Variants in PCDHA12 observed in about 807,000 individuals in gnomAD.
The protein encoded by PCDHA12 is protocadherin alpha 12, also known as protocadherin alpha-12.
PCDHA12 carries 44 observed loss-of-function variants against 60.0 expected under a neutral mutation model. The observed-to-expected ratio is 0.73, with a 90% CI of 0.58 to 0.94. The LOEUF is 0.94. Ranked by LOEUF, PCDHA12 falls within the 40% of genes least tolerant of loss-of-function variation. The pLI, the probability that PCDHA12 is intolerant of heterozygous loss-of-function variation, is 0.00. For synonymous variants in PCDHA12, 569 were observed against 553.0 expected, an observed-to-expected ratio of 1.03 and a Z score of -0.40; for missense variants, 1,276 against 1,239.7, an observed-to-expected ratio of 1.03 and a Z score of -0.44.
chr5:140,932,351 A>C (rs1401387848), intron 1 of PCDHA12, among the ~76,000 whole-genome samples: 1 of 151,920 alleles, frequency 6.6e-6, no homozygotes, highest in Non-Finnish European at 1.5e-5. Flanking sequence ...TTACCATACA[A>C]CTGGCCTTAT....
At chr5:141,006,584 G>C (rs1554260824) in intron 3 of PCDHA12, among the ~76,000 whole-genome samples, 2 of 152,126 alleles carry the variant, frequency 1.3e-5, no homozygotes, top group Admixed American at 6.6e-5. Flanking sequence ...GAGGGTTGGA[G>C]AGAAGCAAAA....
At chr5:140,956,038 A>T in intron 1 of PCDHA12, among the ~76,000 whole-genome samples, 1 of 152,182 alleles carries the variant, frequency 6.6e-6, no homozygotes, top group South Asian at 2.1e-4. Flanking sequence ...CAGCTTAAGA[A>T]GCTTTTGGGC....
Position 140,877,559 on chromosome 5 carries a change from T to C in PCDHA12, c.2087T>C (p.Ile696Thr). 6.2e-7 allele frequency: 1 copy of C among 1,613,754 alleles called. No homozygotes were observed. The highest frequency in any genetic ancestry group is 1.1e-5 in the South Asian group (1 of 91,088). Residue 696 changes from isoleucine to threonine, a missense_variant, in exon 1 of 4, where the codon ATT (isoleucine) becomes ACT (threonine). Ile to Thr is a moderately conservative substitution (Grantham distance 89). Coordinates refer to ENST00000398631, the MANE Select transcript of PCDHA12 (RefSeq NM_018903.4). ...GATCCCGAAGCGGCTCTGGTGGATATTAACGTGTACCTCATCATCGCCATC... is the reference window on the plus strand; with the variant it reads ...GATCCCGAAGCGGCTCTGGTGGATACTAACGTGTACCTCATCATCGCCATC... Reference protein sequence around the residue: ...AVDPEAALVDINVYLIIAICA... With the variant: ...AVDPEAALVDTNVYLIIAICA...
At chr5:140,884,137 C>T (rs782067447) in intron 1 of PCDHA12, 4 of 1,613,402 alleles carry the variant, frequency 2.5e-6, no homozygotes, top group Middle Eastern at 1.7e-4. Context: ...TCCCGTTCCG[C>T]GTGGGGCTGT....
intron 3 of PCDHA12, among the ~76,000 whole-genome samples, chr5:140,995,339 G>A (rs782776966): frequency 1.3e-4 from 20 of 152,026 alleles, no homozygotes; most frequent in Non-Finnish European, 7.4e-5. Context: ...TAGTGTAGAC[G>A]GCATGGATAG....
At chr5:140,883,634 G>C (rs782548505) in intron 1 of PCDHA12, 18 of 1,613,174 alleles carry the variant, frequency 1.1e-5, no homozygotes, top group African/African-American at 5.4e-5. Flanking sequence ...GCCGGCGTTC[G>C]CGCAGCCCGA....
rs374546473 is a variant in PCDHA12 at position 140,877,002 on chromosome 5, G to A, written c.1530G>A (p.Val510=). Residue 510 remains valine (V), a synonymous_variant, in exon 1 of 4, where the codon GTG becomes GTA. Transcript: ENST00000398631. ...ACGCACTGTCGAGCTACGTGTCGGT[G>A]CACGCGGAGAGCGGCAAGGTGTACG... The part of the protein sequence containing the change: ...GEHALSSYVS[V]HAESGKVYAL... 6.0e-5 allele frequency: 96 copies of A among 1,612,426 alleles called. No homozygotes were observed. The highest frequency in any genetic ancestry group is 8.0e-5 in the Non-Finnish European group (94 of 1,179,804).
chr5:140,969,198 C>T lies in PCDHA12; in HGVS notation c.2368-9751C>T, dbSNP rs2096305688. ...AGTGACACTTTCATGTTTTACAATA[C>T]AGGGGCCCAGACAGGACCAGGGCCT... On this transcript the variant is annotated intron_variant, in intron 1 of 3. Coordinates refer to ENST00000398631, the MANE Select transcript of PCDHA12 (RefSeq NM_018903.4). 1 of 1,614,166 alleles carries T rather than the reference C, an allele frequency of 6.2e-7. No individual in the cohort carries two copies. Among genetic ancestry groups the T allele is most frequent in the Non-Finnish European group, 8.5e-7 (1 of 1,180,032 alleles).
At chr5:140,917,336 G>T (rs1183036523) in intron 1 of PCDHA12, among the ~76,000 whole-genome samples, 1 of 144,856 alleles carries the variant, frequency 6.9e-6, no homozygotes, top group Non-Finnish European at 1.5e-5. Context: ...GGGGAGGGGG[G>T]GGATGGTGTA....
chr5:140,966,813 T>C (rs2096057002), intron 1 of PCDHA12: 2 of 1,551,874 alleles, frequency 1.3e-6, no homozygotes, highest in Non-Finnish European at 8.7e-7. Context: ...CATCCACGGC[T>C]CCGGCGGCCC....
intron 1 of PCDHA12, among the ~76,000 whole-genome samples, chr5:140,949,796 C>G (rs1471707326): frequency 6.6e-6 from 1 of 151,864 alleles, no homozygotes; most frequent in Non-Finnish European, 1.5e-5. Context: ...TTGTGTCCTT[C>G]AATACATTAT....
chr5:140,928,770 C>A, intron 1 of PCDHA12: 4 of 1,614,106 alleles, frequency 2.5e-6, no homozygotes, highest in Non-Finnish European at 2.5e-6. Context: ...TAGTTCTTCC[C>A]ACTGATGCAG....
rs546510910 is a variant in PCDHA12, at chr5:140,894,996, C to G, written c.2367+17157C>G. ...GTCTTACTTTGTGACATCCTTTACC[C>G]TTTTTACTTGGACCTTTTTCCTTTG... is the stretch of plus-strand genomic sequence containing the variant. On this transcript the variant is annotated intron_variant, in intron 1 of 3. Transcript: ENST00000398631. Among the ~76,000 whole-genome samples, 5 of 152,204 alleles carry G rather than the reference C, an allele frequency of 3.3e-5. No homozygotes were observed. The East Asian group carries it at 9.6e-4, about 29-fold the overall frequency.
chr5:140,990,605 A>T (rs1234326404), intron 3 of PCDHA12, among the ~76,000 whole-genome samples: 4 of 152,214 alleles, frequency 2.6e-5, no homozygotes, highest in Non-Finnish European at 4.4e-5. Flanking sequence ...GAGTCAGATG[A>T]ATACCGTAAA....
At chr5:140,896,811 T>G (rs2065758053) in intron 1 of PCDHA12, among the ~76,000 whole-genome samples, 1 of 152,266 alleles carries the variant, frequency 6.6e-6, no homozygotes, top group African/African-American at 2.4e-5. Flanking sequence ...GGTTGTCTGT[T>G]TACTCTGTTC....
chr5:140,885,556 G>A (rs1317413722), intron 1 of PCDHA12, among the ~76,000 whole-genome samples: 22 of 152,018 alleles, frequency 1.4e-4, no homozygotes, highest in African/African-American at 5.3e-4. Flanking sequence ...TTATTTCTAC[G>A]AAATTGATTG....
chr5:140,946,297 T>C (rs1238627119), intron 1 of PCDHA12, among the ~76,000 whole-genome samples: 5 of 151,730 alleles, frequency 3.3e-5, no homozygotes, highest in Non-Finnish European at 7.4e-5. Flanking sequence ...ACCTCACACC[T>C]GGTAGAATGG....
intron 3 of PCDHA12, among the ~76,000 whole-genome samples, chr5:141,005,586 C>T (rs1428172819): frequency 6.6e-6 from 1 of 150,712 alleles, no homozygotes; most frequent in Non-Finnish European, 1.5e-5. Flanking sequence ...CCTGTAGTCC[C>T]AGCTACACAG....
At chr5:140,968,189 T>C (rs181004208) in intron 1 of PCDHA12, 2 of 1,614,034 alleles carry the variant, frequency 1.2e-6, no homozygotes, top group Middle Eastern at 1.6e-4. Flanking sequence ...GGACTCCTAT[T>C]CCATCTACAT....
Sources: allele counts gnomAD v4.1 joint callset (sites outside exome capture counted in the v4.1 genomes callset), GRCh38; gene constraint gnomAD v4.1.1; transcripts MANE v1.5; gene names NCBI Gene and HGNC (gene_info 2026-07-23, HGNC 2026-07-21).